DNAH3: variants seen among roughly 807,000 people sequenced by gnomAD.
The protein encoded by DNAH3 is axonemal beta dynein heavy chain 3.
In DNAH3, 332 loss-of-function variants were observed where a neutral mutation model predicts 432.5. That is an observed-to-expected ratio of 0.77 (90% CI 0.70 to 0.84). The LOEUF is 0.84. Among genes scored for constraint, DNAH3 ranks in the 40% least tolerant of loss-of-function variants. The pLI is 0.00. For synonymous variants in DNAH3, 1,956 were observed against 1,900.2 expected (o/e 1.03, Z -0.76); for missense variants, 4,861 against 5,114.0 (o/e 0.95, Z 1.51).
intron 1 of DNAH3, among the ~76,000 whole-genome samples, chr16:21,154,404 CA>C (rs34973143): frequency 1.2e-3 from 182 of 146,328 alleles, no homozygotes; most frequent in African/African-American, 1.1e-3. Flanking sequence ...GACTCTGTCT[CA>C]AAAAAAAAAA....
intron 31 of DNAH3, among the ~76,000 whole-genome samples, chr16:21,045,013 A>G (rs1393964315): frequency 6.6e-6 from 1 of 152,122 alleles, no homozygotes; most frequent in East Asian, 1.9e-4. Flanking sequence ...CTTGCATCCC[A>G]GGGATGAAGC....
intron 31 of DNAH3, among the ~76,000 whole-genome samples, chr16:21,046,189 G>T (rs1354250645): frequency 7.5e-6 from 1 of 134,008 alleles, no homozygotes; most frequent in Non-Finnish European, 1.6e-5. Flanking sequence ...TGTCTATTAG[G>T]TCCGCTTGGT....
At position 21,102,446 on chromosome 16, in the gene DNAH3, T is replaced by C. The variant is rs540200423; in HGVS notation, c.2366+2025A>G. 1.5e-3 allele frequency among the ~76,000 whole-genome samples: 231 copies of C among 152,300 alleles called. 2 individuals are homozygous for C. Among genetic ancestry groups the C allele is most frequent in the African/African-American group, 5.4e-3 (225 of 41,564 alleles). On this transcript the variant is annotated intron_variant, in intron 16 of 61. Coordinates refer to ENST00000261383, the Ensembl canonical transcript of DNAH3. ...TTTTTCTCCCCACAGAGGTCCCTGT[T>C]CAAAGGGAGAAGGAAGCTGATAGTT...
chr16:21,136,276 C>T (rs575756344), intron 6 of DNAH3, 48 bp downstream of exon 7: 1 of 1,529,104 alleles, frequency 6.5e-7, no homozygotes, highest in South Asian at 1.1e-5. Flanking sequence ...AAAGAAGGTG[C>T]CCTCTACATA....
At chr16:21,134,186 C>T (rs1010168953) in intron 7 of DNAH3, 73 bp downstream of exon 8, 52 of 1,468,566 alleles carry the variant, frequency 3.5e-5, no homozygotes, top group Non-Finnish European at 4.7e-5. Context: ...CCACTGTGCA[C>T]AGCAGAATAG....
chr16:21,125,957 G>A (rs948510674), intron 8 of DNAH3, among the ~76,000 whole-genome samples: 2 of 152,128 alleles, frequency 1.3e-5, no homozygotes, highest in African/African-American at 4.8e-5. Context: ...GACCAGCCCG[G>A]CCAACATGGC....
At chr16:21,141,182 G>T in intron 4 of DNAH3, 118 bp downstream of exon 5, 5 of 766,286 alleles carry the variant, frequency 6.5e-6, no homozygotes, top group African/African-American at 1.8e-5. Flanking sequence ...TCGTGGATAA[G>T]AATATGATTA....
intron 26 of DNAH3, among the ~76,000 whole-genome samples, chr16:21,058,979 A>C (rs1435374979): frequency 6.6e-6 from 1 of 152,190 alleles, no homozygotes; most frequent in Non-Finnish European, 1.5e-5. Flanking sequence ...TGTTCTGCAC[A>C]TGTATCCCAG....
At chr16:21,031,534 G>A (rs2088872633) in intron 36 of DNAH3, among the ~76,000 whole-genome samples, 1 of 151,936 alleles carries the variant, frequency 6.6e-6, no homozygotes. Flanking sequence ...CCTGGGAAAT[G>A]GAGGCTGCAG....
intron 52 of DNAH3, 136 bp downstream of exon 52, chr16:20,969,655 TG>T: frequency 1.0e-6 from 1 of 991,550 alleles, no homozygotes; most frequent in Non-Finnish European, 1.5e-6. Context: ...ACACACAGCC[TG>T]GTTCCTTTCT....
rs2089253346 is a variant in DNAH3, at chr16:21,037,937, G to A, written c.4774C>T (p.Gln1592Ter). 1 of 1,614,182 alleles carries A rather than the reference G, an allele frequency of 6.2e-7. No individual in the cohort carries two copies. Among genetic ancestry groups the A allele is most frequent in the Non-Finnish European group, 8.5e-7 (1 of 1,180,036 alleles). ...TCATAGTGATGCTGAGAGGACAGTT[G>A]TTCCGAGCACAGGCGGTAGGTCGCA... The change falls in exon 34 of 62, where the codon CAA becomes TAA. Residue 1592 changes from glutamine (Q) to a stop codon, truncating the protein, a stop_gained. Transcript: ENST00000261383. LOFTEE classifies it high-confidence loss of function.
chr16:20,955,765 C>T (rs542342494), intron 54 of DNAH3, among the ~76,000 whole-genome samples: 2 of 151,912 alleles, frequency 1.3e-5, no homozygotes, highest in Admixed American at 6.6e-5. Flanking sequence ...GGGAGAAATT[C>T]TTTTTTAAAT....
chr16:21,089,697 AT>A (rs1172535931), intron 18 of DNAH3, among the ~76,000 whole-genome samples: 1 of 152,156 alleles, frequency 6.6e-6, no homozygotes, highest in Admixed American at 6.5e-5. Context: ...TAAAGGATAA[AT>A]TTGTAGCATT....
At position 21,127,685 on chromosome 16, in the gene DNAH3, A is replaced by C. The variant is rs201072182; in HGVS notation, c.1208+2T>G. 7 of 1,613,940 alleles carry C rather than the reference A, an allele frequency of 4.3e-6. No individual in the cohort carries two copies. The highest frequency in any genetic ancestry group is 1.7e-5 in the Admixed American group (1 of 59,992). ...AGCCCCACTTGGAGGGCAGATACTG[A>C]CTTGTTGAGAAGAGTCTGGTGTGCC... On this transcript the variant is annotated splice_donor_variant, in intron 8 of 61. Transcript: ENST00000261383. LOFTEE classifies it high-confidence loss of function.
At chr16:21,020,368 AAAATCAC>A (rs1329594114) in intron 40 of DNAH3, among the ~76,000 whole-genome samples, 157 of 66,366 alleles carry the variant, frequency 2.4e-3, no homozygotes, top group Middle Eastern at 7.9e-3. Context: ...ATATATATAT[AAAATCAC>A]TATATATATA....
At chr16:21,121,049 T>C in intron 10 of DNAH3, 1 of 685,126 alleles carries the variant, frequency 1.5e-6, no homozygotes, top group South Asian at 1.5e-5. Flanking sequence ...AACCTTGAAC[T>C]CCTGGGCATT....
chr16:20,985,041 C>T lies in DNAH3; in HGVS notation c.7665+36G>A, dbSNP rs1439029981. 6.3e-7 allele frequency: 1 copy of T among 1,581,544 alleles called. No individual in the cohort carries two copies. The highest frequency in any genetic ancestry group is 8.6e-7 in the Non-Finnish European group (1 of 1,164,662). ...GAACAAGGGCAAATGGAGTTTTCTT[C>T]TTCTTACCGAGGACAATGTGAAGGT... On this transcript the variant is annotated intron_variant, in intron 48 of 61. Transcript: ENST00000261383.
In DNAH3 at chr16:20,933,413, GT is replaced by G. The variant is rs1567480906; in HGVS notation, c.12091del (p.Thr4031ArgfsTer21). 1.9e-6 allele frequency: 3 copies of G among 1,614,146 alleles called. No individual in the cohort carries two copies. Among genetic ancestry groups the G allele is most frequent in the South Asian group, 2.2e-5 (2 of 91,090 alleles). On this transcript the variant is annotated frameshift_variant, in exon 62 of 62. Coordinates refer to ENST00000261383, the Ensembl canonical transcript of DNAH3. LOFTEE classifies it high-confidence loss of function. ...GGGGAGAGATTCCCCAATCTGCATC[GT>G]TTTCCTGTCCCAACGGGCACCTTCT...
chr16:20,948,323 C>G (rs981337665), intron 57 of DNAH3, among the ~76,000 whole-genome samples, 160 bp downstream of exon 57: 1 of 152,154 alleles, frequency 6.6e-6, no homozygotes, highest in South Asian at 2.1e-4. Context: ...AGCCATGTCT[C>G]TCTTGCAGGC....
Sources: allele counts gnomAD v4.1 joint callset (sites outside exome capture counted in the v4.1 genomes callset), GRCh38; gene constraint gnomAD v4.1.1; transcripts MANE v1.5; gene names NCBI Gene and HGNC (gene_info 2026-07-23, HGNC 2026-07-21).